Variants in PCDH7 observed in about 807,000 individuals in gnomAD.
The protein encoded by PCDH7 is protocadherin-7.
In PCDH7, 17 loss-of-function variants were observed where a neutral mutation model predicts 58.9. That is an observed-to-expected ratio of 0.29 (90% CI 0.20 to 0.43). PCDH7 has a LOEUF of 0.43. Ranked by LOEUF, PCDH7 falls within the 20% of genes least tolerant of loss-of-function variation. The pLI is 1.00. For synonymous variants in PCDH7, 664 were observed against 616.4 expected (o/e 1.08, Z -1.14); for missense variants, 1,274 against 1,441.0 (o/e 0.88, Z 1.88).
chr4:30,971,001 G>T (rs1221849223), intron 3 of PCDH7, among the ~76,000 whole-genome samples: 1 of 152,140 alleles, frequency 6.6e-6, no homozygotes, highest in Non-Finnish European at 1.5e-5. Context: ...GGAATATTAC[G>T]TGCAGCTCAG....
chr4:30,826,648 A>T (rs919121536), intron 1 of PCDH7, among the ~76,000 whole-genome samples: 6 of 152,140 alleles, frequency 3.9e-5, no homozygotes, highest in Non-Finnish European at 7.4e-5. Context: ...GTTGTAGACC[A>T]TGACGCTTAC....
intron 1 of PCDH7, among the ~76,000 whole-genome samples, chr4:30,807,488 G>T (rs560963505): frequency 6.6e-6 from 1 of 152,152 alleles, no homozygotes; most frequent in Non-Finnish European, 1.5e-5. Flanking sequence ...ACAGCAGTAC[G>T]GATGAGGATA....
intron 1 of PCDH7, among the ~76,000 whole-genome samples, chr4:30,876,499 T>C (rs1736306343): frequency 6.6e-6 from 1 of 152,064 alleles, no homozygotes; most frequent in Non-Finnish European, 1.5e-5. Flanking sequence ...GATGCATTCA[T>C]TATACGTGAT....
intron 1 of PCDH7, among the ~76,000 whole-genome samples, chr4:30,877,178 TG>T (rs1385763984): frequency 6.6e-6 from 1 of 152,044 alleles, no homozygotes; most frequent in African/African-American, 2.4e-5. Flanking sequence ...GTTGATGGTT[TG>T]GGGAGTGTGG....
rs185385824 is a variant in PCDH7 at position 30,873,016 on chromosome 4, G to A, written c.71-47137G>A. Among the ~76,000 whole-genome samples, 8 of 152,164 alleles carry A rather than the reference G, an allele frequency of 5.3e-5. No individual in the cohort carries two copies. The East Asian group carries it at 1.4e-3, about 26-fold the overall frequency. On this transcript the variant is annotated intron_variant, in intron 1 of 3. Coordinates refer to the PCDH7 transcript ENST00000509759. ...TTATTACTCAGCAAAAGGAATTACT[G>A]AATTTTATTTTTGCTGAATTTATGT...
intron 3 of PCDH7, among the ~76,000 whole-genome samples, chr4:31,078,011 C>T (rs1759150365): frequency 6.6e-6 from 1 of 152,044 alleles, no homozygotes; most frequent in Non-Finnish European, 1.5e-5. Context: ...TCGATGTGAG[C>T]CATGTGGAGA....
intron 1 of PCDH7, among the ~76,000 whole-genome samples, chr4:30,915,138 T>G (rs1201793751): frequency 1.3e-5 from 2 of 152,182 alleles, no homozygotes; most frequent in African/African-American, 4.8e-5. Flanking sequence ...AAAGCAAAAC[T>G]TCTTCAGTGC....
At chr4:30,859,278 CA>C (rs1226048226) in intron 1 of PCDH7, among the ~76,000 whole-genome samples, 1 of 152,018 alleles carries the variant, frequency 6.6e-6, no homozygotes, top group Non-Finnish European at 1.5e-5. Context: ...AATCGTTTAT[CA>C]ATTTTTAGGT....
intron 3 of PCDH7, among the ~76,000 whole-genome samples, chr4:31,000,931 G>A (rs1053100271): frequency 3.3e-5 from 5 of 151,982 alleles, no homozygotes; most frequent in African/African-American, 9.7e-5. Context: ...GAGTCTATGT[G>A]TACACACCAA....
Position 30,722,846 on chromosome 4 carries a change from A to G in PCDH7, c.1424A>G (p.Asp475Gly), listed in dbSNP as rs779989881. ...CCCTTCCAGCTCAAGCCAGCCAGCG[A>G]CACCGAGGGCGACCAGAACAAGAAA... The change falls in exon 1 of 2, where the codon GAC becomes GGC. Residue 475 changes from aspartate to glycine, a missense_variant. Asp to Gly is a moderately conservative substitution (Grantham distance 94, BLOSUM62 -1). Around this residue, in one of 3 missense-constraint regions of PCDH7, gnomAD observed 731 missense variants for 881.9 expected, o/e 0.83. Coordinates refer to ENST00000361762, the Ensembl canonical transcript of PCDH7. The surrounding 1 kb of genome is among the most constrained non-coding windows in gnomAD (Gnocchi z 7.6). 6.2e-7 allele frequency: 1 copy of G among 1,613,452 alleles called. No homozygotes were observed. The highest frequency in any genetic ancestry group is 2.2e-5 in the East Asian group (1 of 44,848).
chr4:30,752,802 A>G (rs941757244), intron 1 of PCDH7, among the ~76,000 whole-genome samples: 4 of 143,052 alleles, frequency 2.8e-5, no homozygotes, highest in Admixed American at 7.0e-5. Flanking sequence ...AAAAAAAAAA[A>G]GAAAGAAAAA....
intron 3 of PCDH7, among the ~76,000 whole-genome samples, chr4:31,055,257 T>C (rs1232766843): frequency 6.6e-6 from 1 of 152,192 alleles, no homozygotes; most frequent in Non-Finnish European, 1.5e-5. Flanking sequence ...AAATAAACTA[T>C]ATTTTCAGTT....
At chr4:31,048,619 T>C (rs1033448618) in intron 3 of PCDH7, among the ~76,000 whole-genome samples, 2 of 152,070 alleles carry the variant, frequency 1.3e-5, no homozygotes, top group Non-Finnish European at 1.5e-5. Flanking sequence ...ACAAAAGTCC[T>C]TGGAAGCCTC....
At chr4:30,912,681 A>G (rs540242170) in intron 1 of PCDH7, among the ~76,000 whole-genome samples, 1 of 152,322 alleles carries the variant, frequency 6.6e-6, no homozygotes, top group South Asian at 2.1e-4. Flanking sequence ...GCAGTATTCA[A>G]TAAGGAAAGA....
intron 3 of PCDH7, among the ~76,000 whole-genome samples, chr4:31,055,596 T>G (rs2109227749): frequency 6.6e-6 from 1 of 152,200 alleles, no homozygotes; most frequent in African/African-American, 2.4e-5. Flanking sequence ...TTTTTGTTTT[T>G]GACAGAATCT....
chr4:30,974,028 T>G (rs2109476419), intron 3 of PCDH7, among the ~76,000 whole-genome samples: 1 of 152,166 alleles, frequency 6.6e-6, no homozygotes, highest in African/African-American at 2.4e-5. Flanking sequence ...TACCCTTGTC[T>G]TCTAGCTCAA....
At chr4:30,762,306 A>C in intron 1 of PCDH7, among the ~76,000 whole-genome samples, 1 of 152,310 alleles carries the variant, frequency 6.6e-6, no homozygotes. Flanking sequence ...ATAATATAAA[A>C]GATCATTTAA....
intron 2 of PCDH7, among the ~76,000 whole-genome samples, chr4:30,949,963 A>G (rs564923860): frequency 6.6e-6 from 1 of 152,308 alleles, no homozygotes; most frequent in African/African-American, 2.4e-5. Flanking sequence ...TAATTTGTTT[A>G]GATTGTCTTT....
intron 3 of PCDH7, among the ~76,000 whole-genome samples, chr4:31,123,166 CA>C (rs941605011): frequency 1.3e-5 from 2 of 151,678 alleles, no homozygotes; most frequent in Non-Finnish European, 2.9e-5. Context: ...AAATTTATAA[CA>C]AAAAAACATG....
Sources: allele counts gnomAD v4.1 joint callset (sites outside exome capture counted in the v4.1 genomes callset), GRCh38; gene constraint gnomAD v4.1.1; regional missense constraint gnomAD v4.1.1; non-coding constraint Gnocchi (gnomAD v3.1); transcripts MANE v1.5; gene names NCBI Gene and HGNC (gene_info 2026-07-23, HGNC 2026-07-21).